The following ASCC3 variants were observed in gnomAD, a reference collection of about 807,000 sequenced individuals.
The protein encoded by ASCC3 is ASC-1 complex subunit P200.
In ASCC3, 158 loss-of-function variants were observed where a neutral mutation model predicts 256.3. The ratio of observed to expected loss-of-function variants is 0.62; its 90% CI spans 0.54 to 0.70. The LOEUF is 0.70. Among genes scored for constraint, ASCC3 ranks in the 30% least tolerant of loss-of-function variants. The pLI is 0.00. For missense variants in ASCC3, 2,259 were observed against 2,626.0 expected, an observed-to-expected ratio of 0.86 and a Z score of 3.05; for synonymous variants, 948 against 883.4, an observed-to-expected ratio of 1.07 and a Z score of -1.30.
At chr6:100,676,306 G>C (rs1777003421) in intron 14 of ASCC3, among the ~76,000 whole-genome samples, 2 of 152,084 alleles carry the variant, frequency 1.3e-5, no homozygotes, top group South Asian at 4.1e-4. Context: ...TAAATAACTA[G>C]AATAGGTATT....
intron 16 of ASCC3, among the ~76,000 whole-genome samples, chr6:100,661,550 G>T (rs1278721184): frequency 6.6e-6 from 1 of 151,652 alleles, no homozygotes; most frequent in East Asian, 1.9e-4. Flanking sequence ...TATAGTCTTT[G>T]TTAGATTTCT....
intron 4 of ASCC3, among the ~76,000 whole-genome samples, chr6:100,811,796 G>C (rs919438481): frequency 2.0e-5 from 3 of 152,220 alleles, no homozygotes; most frequent in Admixed American, 2.0e-4. Flanking sequence ...GGTTGTATAG[G>C]AGGAGAGAAC....
At chr6:100,615,077 G>A (rs1455117087) in intron 30 of ASCC3, among the ~76,000 whole-genome samples, 11 of 151,710 alleles carry the variant, frequency 7.3e-5, no homozygotes, top group East Asian at 3.9e-4. Flanking sequence ...GTGCAGTGGC[G>A]TGATTTTGGC....
At chr6:100,838,188 T>C (rs955539806) in intron 4 of ASCC3, among the ~76,000 whole-genome samples, 1 of 152,060 alleles carries the variant, frequency 6.6e-6, no homozygotes, top group Non-Finnish European at 1.5e-5. Flanking sequence ...TGTCTTTCTT[T>C]GAGATATGAT....
chr6:100,779,613 C>T (rs1231224828), intron 8 of ASCC3, among the ~76,000 whole-genome samples: 1 of 152,128 alleles, frequency 6.6e-6, no homozygotes, highest in African/African-American at 2.4e-5. Flanking sequence ...CTAAAATTCT[C>T]ATCCTTTTTA....
intron 25 of ASCC3, among the ~76,000 whole-genome samples, chr6:100,631,625 T>C (rs1774551015): frequency 6.6e-6 from 1 of 151,962 alleles, no homozygotes; most frequent in Non-Finnish European, 1.5e-5. Context: ...TTAATATTTA[T>C]TTGAGTTGTA....
intron 26 of ASCC3, 71 bp from the exon 27 acceptor site, chr6:100,629,252 A>C (rs1774413794): frequency 3.6e-6 from 5 of 1,405,670 alleles, no homozygotes; most frequent in Admixed American, 1.8e-5. Flanking sequence ...GCAAAAACCT[A>C]TCTCTTTTAA....
chr6:100,566,040 G>A (rs142535812), intron 36 of ASCC3, among the ~76,000 whole-genome samples: 28 of 152,176 alleles, frequency 1.8e-4, no homozygotes, highest in African/African-American at 6.3e-4. Context: ...ATGTAAAGGT[G>A]TCCAGAGTAA....
At chr6:100,796,513 G>A (rs925532230) in intron 8 of ASCC3, among the ~76,000 whole-genome samples, 26 of 152,166 alleles carry the variant, frequency 1.7e-4, no homozygotes, top group African/African-American at 5.8e-4. Context: ...AGGTAATTAC[G>A]GTTAAATGAA....
intron 36 of ASCC3, among the ~76,000 whole-genome samples, chr6:100,543,632 T>C (rs1775570659): frequency 6.6e-6 from 1 of 151,992 alleles, no homozygotes; most frequent in Admixed American, 6.6e-5. Flanking sequence ...CTTCATTAAC[T>C]ATAAAGGAGT....
intron 4 of ASCC3, among the ~76,000 whole-genome samples, chr6:100,815,922 T>C (rs1004590068): frequency 1.3e-5 from 2 of 152,030 alleles, no homozygotes; most frequent in Non-Finnish European, 2.9e-5. Flanking sequence ...GGGATCTAAT[T>C]AAAAGAGCGA....
chr6:100,872,447 C>T (rs541157410), intron 1 of ASCC3, among the ~76,000 whole-genome samples: 24 of 113,070 alleles, frequency 2.1e-4, no homozygotes, highest in African/African-American at 8.6e-4. Context: ...TCCCTGAGAC[C>T]TGAGTAGAAA....
chr6:100,780,484 A>C (rs990785219), intron 8 of ASCC3, among the ~76,000 whole-genome samples: 1 of 152,142 alleles, frequency 6.6e-6, no homozygotes, highest in Non-Finnish European at 1.5e-5. Flanking sequence ...TCATGCCAGC[A>C]ATCTCACAAC....
At chr6:100,591,357 A>G (rs1001043030) in intron 34 of ASCC3, among the ~76,000 whole-genome samples, 1 of 152,088 alleles carries the variant, frequency 6.6e-6, no homozygotes, top group African/African-American at 2.4e-5. Context: ...ACAAATATCC[A>G]AAGTCATTCA....
chr6:100,577,546 TAAAG>T (rs1473113748), intron 36 of ASCC3, among the ~76,000 whole-genome samples: 1 of 152,096 alleles, frequency 6.6e-6, no homozygotes, highest in Admixed American at 6.6e-5. Flanking sequence ...ACGATTAACA[TAAAG>T]AACAGAATAC....
intron 4 of ASCC3, among the ~76,000 whole-genome samples, chr6:100,820,565 T>C (rs569986741): frequency 6.6e-6 from 1 of 151,942 alleles, no homozygotes; most frequent in South Asian, 2.1e-4. Flanking sequence ...TCTTTACAGA[T>C]GTAGATATGG....
chr6:100,589,856 T>A (rs904560821), intron 35 of ASCC3, 88 bp from the exon 36 acceptor site: 86 of 1,591,668 alleles, frequency 5.4e-5, no homozygotes, highest in Non-Finnish European at 7.1e-5. Context: ...TTTGAAACAA[T>A]TTTTTAAAAA....
chr6:100,641,052 G>A (rs1299805223), intron 24 of ASCC3, among the ~76,000 whole-genome samples: 1 of 152,036 alleles, frequency 6.6e-6, no homozygotes, highest in Non-Finnish European at 1.5e-5. Context: ...TGAAAAAGAA[G>A]AAATAAACTT....
At chr6:100,816,385 C>T (rs572967512) in intron 4 of ASCC3, among the ~76,000 whole-genome samples, 130 of 152,072 alleles carry the variant, frequency 8.5e-4, no homozygotes, top group African/African-American at 2.8e-3. Flanking sequence ...AACTACCACT[C>T]GACCCAGCAA....
Sources: allele counts gnomAD v4.1 joint callset (sites outside exome capture counted in the v4.1 genomes callset), GRCh38; gene constraint gnomAD v4.1.1; transcripts MANE v1.5; gene names NCBI Gene and HGNC (gene_info 2026-07-23, HGNC 2026-07-21).